Variants in CNTN5 observed in about 807,000 individuals in gnomAD.
CNTN5 encodes the protein contactin-5.
In CNTN5, 77 loss-of-function variants were observed where a neutral mutation model predicts 129.1. The ratio of observed to expected loss-of-function variants is 0.60; its 90% CI spans 0.50 to 0.72. The LOEUF (loss-of-function observed/expected upper bound fraction) is 0.72. CNTN5 is among the 30% of genes least tolerant of loss of function. The pLI is 0.00. For synonymous variants in CNTN5, 509 were observed against 465.6 expected (o/e 1.09, Z -1.20); for missense variants, 1,478 against 1,328.8 (o/e 1.11, Z -1.75).
intron 8 of CNTN5, among the ~76,000 whole-genome samples, chr11:99,973,734 A>T (rs902526410): frequency 6.6e-6 from 1 of 152,056 alleles, no homozygotes; most frequent in Non-Finnish European, 1.5e-5. Flanking sequence ...TTATTTTGTG[A>T]TCATTTTTAT....
intron 2 of CNTN5, among the ~76,000 whole-genome samples, chr11:99,333,752 C>G (rs1040729983): frequency 1.1e-4 from 16 of 152,054 alleles, no homozygotes; most frequent in South Asian, 1.0e-3. Flanking sequence ...GTGGAAATAA[C>G]AGAGATGAAT....
At chr11:99,825,413 C>T (rs752335821) in intron 4 of CNTN5, among the ~76,000 whole-genome samples, 8 of 151,972 alleles carry the variant, frequency 5.3e-5, no homozygotes, top group South Asian at 2.1e-4. Context: ...CAAACATATG[C>T]GTCCTTTAGT....
chr11:100,111,309 A>C (rs75374024), intron 13 of CNTN5, among the ~76,000 whole-genome samples: 7 of 152,174 alleles, frequency 4.6e-5, no homozygotes. Flanking sequence ...CACTTTAGAC[A>C]GTGAAAAAAT....
chr11:99,904,669 G>T (rs141754258), intron 6 of CNTN5, among the ~76,000 whole-genome samples: 1 of 152,146 alleles, frequency 6.6e-6, no homozygotes, highest in Non-Finnish European at 1.5e-5. Flanking sequence ...TAATGCGATT[G>T]CTGGGTCAAA....
At chr11:99,248,618 C>A (rs540588617) in intron 1 of CNTN5, among the ~76,000 whole-genome samples, 33 of 152,232 alleles carry the variant, frequency 2.2e-4, no homozygotes, top group African/African-American at 7.7e-4. Context: ...AGTTTTTAAT[C>A]CATCTTGAAT....
intron 1 of CNTN5, among the ~76,000 whole-genome samples, chr11:99,236,582 C>T (rs1861280810): frequency 6.6e-6 from 1 of 151,848 alleles, no homozygotes; most frequent in African/African-American, 2.4e-5. Context: ...AAAGTATCTT[C>T]CTCAATGCTT....
chr11:99,855,961 C>T (rs1016305028), intron 6 of CNTN5, among the ~76,000 whole-genome samples: 2 of 152,064 alleles, frequency 1.3e-5, no homozygotes, highest in Admixed American at 1.3e-4. Flanking sequence ...ATACTCTTTC[C>T]ATAATTCTCT....
At chr11:99,367,523 A>G (rs1240455287) in intron 2 of CNTN5, among the ~76,000 whole-genome samples, 1 of 151,976 alleles carries the variant, frequency 6.6e-6, no homozygotes, top group African/African-American at 2.4e-5. Flanking sequence ...ATGGGATGCA[A>G]TTTAGCATAC....
intron 13 of CNTN5, among the ~76,000 whole-genome samples, chr11:100,180,341 C>T (rs1565318832): frequency 6.6e-6 from 1 of 151,622 alleles, no homozygotes; most frequent in African/African-American, 2.4e-5. Flanking sequence ...TTGACAAAAG[C>T]AAAAAAGTAA....
intron 13 of CNTN5, among the ~76,000 whole-genome samples, chr11:100,147,834 C>T (rs926121112): frequency 2.0e-5 from 3 of 152,034 alleles, no homozygotes; most frequent in Admixed American, 2.0e-4. Flanking sequence ...GAAGCCTTGC[C>T]AGGATTACAA....
At chr11:99,035,572 A>C (rs1222346250) in intron 1 of CNTN5, among the ~76,000 whole-genome samples, 1 of 146,604 alleles carries the variant, frequency 6.8e-6, no homozygotes, top group Non-Finnish European at 1.5e-5. Flanking sequence ...AGTCTGTTTT[A>C]TCAGAGACTA....
chr11:99,416,831 G>C lies in CNTN5; in HGVS notation c.-71+91347G>C, dbSNP rs116522182. ...TATTTGGGAAGGGGAGATTATGCCA[G>C]TGAATTGTTTGTAAATAGCTGTGTC... On this transcript the variant is annotated intron_variant, in intron 2 of 24. Coordinates refer to ENST00000524871, the MANE Select transcript of CNTN5 (RefSeq NM_014361.4). 4.4e-3 allele frequency among the ~76,000 whole-genome samples: 676 copies of C among 152,302 alleles called. 6 individuals are homozygous for C. The highest frequency in any genetic ancestry group is 0.015 in the African/African-American group (638 of 41,570).
chr11:99,548,939 T>A (rs184922949), intron 2 of CNTN5, among the ~76,000 whole-genome samples: 1 of 152,260 alleles, frequency 6.6e-6, no homozygotes, highest in East Asian at 1.9e-4. Context: ...CTCATCCCAT[T>A]TTCTTTCTCA....
chr11:99,328,048 C>T (rs1229815728), intron 2 of CNTN5, among the ~76,000 whole-genome samples: 1 of 152,146 alleles, frequency 6.6e-6, no homozygotes, highest in East Asian at 1.9e-4. Flanking sequence ...GAGAGTATTA[C>T]AGTTGATAAG....
intron 1 of CNTN5, among the ~76,000 whole-genome samples, chr11:99,325,015 T>C (rs1489880111): frequency 2.6e-5 from 4 of 152,148 alleles, no homozygotes; most frequent in Non-Finnish European, 4.4e-5. Flanking sequence ...TTCATATTAT[T>C]GTCTTATAAA....
chr11:100,207,024 C>T (rs187430370), intron 15 of CNTN5, among the ~76,000 whole-genome samples: 14 of 152,138 alleles, frequency 9.2e-5, no homozygotes, highest in Admixed American at 7.9e-4. Flanking sequence ...ACTTTGTTCA[C>T]TTTGCAAACA....
chr11:99,654,549 A>T (rs1441919485), intron 3 of CNTN5, among the ~76,000 whole-genome samples: 1 of 152,110 alleles, frequency 6.6e-6, no homozygotes, highest in Non-Finnish European at 1.5e-5. Context: ...GTAGGTTTCA[A>T]TCAAATCAGA....
chr11:99,612,885 C>A (rs76090814), intron 3 of CNTN5, among the ~76,000 whole-genome samples: 2 of 152,152 alleles, frequency 1.3e-5, no homozygotes, highest in South Asian at 4.1e-4. Context: ...CACCAGTAGA[C>A]AGATGAGTGG....
chr11:100,172,978 A>C (rs2138416806), intron 13 of CNTN5, among the ~76,000 whole-genome samples: 1 of 152,218 alleles, frequency 6.6e-6, no homozygotes, highest in African/African-American at 2.4e-5. Context: ...GAATTGCAGT[A>C]ACATAGATGA....
Sources: allele counts gnomAD v4.1 joint callset (sites outside exome capture counted in the v4.1 genomes callset), GRCh38; gene constraint gnomAD v4.1.1; transcripts MANE v1.5; gene names NCBI Gene and HGNC (gene_info 2026-07-23, HGNC 2026-07-21).